The following STOX2 variants were observed in gnomAD, a reference collection of about 807,000 sequenced individuals.
The protein encoded by STOX2 is storkhead-box protein 2.
A neutral mutation model predicts 60.9 loss-of-function variants in STOX2; 28 were observed. The observed-to-expected ratio is 0.46, with a 90% CI of 0.34 to 0.63. The LOEUF (loss-of-function observed/expected upper bound fraction) is 0.63. STOX2 is among the 30% of genes least tolerant of loss of function. STOX2 has a pLI of 0.01. For synonymous variants in STOX2, 472 were observed against 463.9 expected (o/e 1.02, Z -0.22); for missense variants, 1,024 against 1,187.7 (o/e 0.86, Z 2.03).
intron 1 of STOX2, among the ~76,000 whole-genome samples, chr4:183,957,784 G>C (rs1287249810): frequency 6.6e-6 from 1 of 152,142 alleles, no homozygotes; most frequent in Non-Finnish European, 1.5e-5. Context: ...CTAAGGCACC[G>C]TGGTTTCCTT....
intron 1 of STOX2, among the ~76,000 whole-genome samples, chr4:183,948,761 A>C (rs890671052): frequency 6.6e-6 from 1 of 151,644 alleles, no homozygotes; most frequent in Non-Finnish European, 1.5e-5. Flanking sequence ...CAAACTCGTG[A>C]CCTCAGGTGA....
At chr4:183,975,294 GCAAAA>G (rs949445621) in intron 1 of STOX2, among the ~76,000 whole-genome samples, 1 of 151,876 alleles carries the variant, frequency 6.6e-6, no homozygotes, top group Non-Finnish European at 1.5e-5. Flanking sequence ...AAAAAGAAGA[GCAAAA>G]CAAGTCTAAA....
chr4:183,926,918 G>A (rs72695382), intron 1 of STOX2, among the ~76,000 whole-genome samples: 12,048 of 152,206 alleles, frequency 0.079, 580 homozygotes, highest in Middle Eastern at 0.14. Context: ...CACCGGGCCC[G>A]ACCACAAATA....
chr4:183,960,540 AGTCAACAT>A (rs1743382951), intron 1 of STOX2, among the ~76,000 whole-genome samples: 1 of 152,238 alleles, frequency 6.6e-6, no homozygotes, highest in Non-Finnish European at 1.5e-5. Context: ...TTCTGCTCAG[AGTCAACAT>A]TTCATTTGAT....
At chr4:183,932,111 T>G (rs1034878909) in intron 1 of STOX2, among the ~76,000 whole-genome samples, 2 of 151,918 alleles carry the variant, frequency 1.3e-5, no homozygotes, top group African/African-American at 4.8e-5. Flanking sequence ...ACTGTGAGGA[T>G]GTAGCCGATG....
intron 1 of STOX2, among the ~76,000 whole-genome samples, chr4:183,882,968 G>T (rs1579370662): frequency 6.6e-6 from 1 of 152,230 alleles, no homozygotes; most frequent in South Asian, 2.1e-4. Context: ...AAATGTTATT[G>T]TTGGAGATTT....
At chr4:183,951,979 T>C (rs1415186718) in intron 1 of STOX2, among the ~76,000 whole-genome samples, 1 of 152,072 alleles carries the variant, frequency 6.6e-6, no homozygotes, top group African/African-American at 2.4e-5. Context: ...AGCGACTCTC[T>C]TCACTCTCCG....
upstream of STOX2, among the ~76,000 whole-genome samples, chr4:183,901,531 A>G (rs1741458844): frequency 6.6e-6 from 1 of 151,226 alleles, no homozygotes; most frequent in Non-Finnish European, 1.5e-5. Context: ...TTGCCTACCA[A>G]CAGTGCACAA....
At chr4:183,820,383 C>T (rs897391901) in intron 1 of STOX2, among the ~76,000 whole-genome samples, 1 of 152,120 alleles carries the variant, frequency 6.6e-6, no homozygotes, top group African/African-American at 2.4e-5. Flanking sequence ...CTCCTATTGC[C>T]GCTTCTCTCA....
At chr4:183,943,496 T>C (rs73002631) in intron 1 of STOX2, among the ~76,000 whole-genome samples, 1,905 of 152,336 alleles carry the variant, frequency 0.013, 31 homozygotes, top group African/African-American at 0.043. Context: ...TTCTGCTAAC[T>C]GTTGAATGTA....
chr4:183,830,139 T>A (rs1286032469), intron 1 of STOX2, among the ~76,000 whole-genome samples: 2 of 152,184 alleles, frequency 1.3e-5, no homozygotes, highest in Non-Finnish European at 2.9e-5. Flanking sequence ...CTATTTCCAG[T>A]GTCTGAGCAG....
intron 1 of STOX2, among the ~76,000 whole-genome samples, chr4:183,808,375 C>A (rs1251587787): frequency 6.6e-6 from 1 of 152,160 alleles, no homozygotes; most frequent in South Asian, 2.1e-4. Flanking sequence ...GCTGGGAAAG[C>A]CTTGGAAGGC....
At chr4:183,878,021 A>G (rs910777684) in intron 1 of STOX2, among the ~76,000 whole-genome samples, 1 of 152,132 alleles carries the variant, frequency 6.6e-6, no homozygotes, top group Non-Finnish European at 1.5e-5. Flanking sequence ...TTATCCTATT[A>G]AGCCCTGACA....
In STOX2 at chr4:184,011,038, A is replaced by T. The variant is rs1560943784; in HGVS notation, c.2200A>T (p.Thr734Ser). ...ATCTCACCCGAAGACACCTGCTGAC[A>T]CATTGCCAGGCCGATGTGAGAAACT... is the stretch of plus-strand genomic sequence containing the variant. Reference protein sequence around the residue: ...LKSHPKTPADTLPGRCEKLEP... With the variant: ...LKSHPKTPADSLPGRCEKLEP... Residue 734 changes from threonine to serine, a missense_variant, in exon 3 of 4, where the codon ACA becomes TCA. Coordinates refer to ENST00000308497, the MANE Select transcript of STOX2 (RefSeq NM_020225.3). The surrounding 1 kb of genome is among the most constrained non-coding windows in gnomAD (Gnocchi z 4.4). 1 of 1,612,784 alleles carries T rather than the reference A, an allele frequency of 6.2e-7. No individual in the cohort carries two copies.
rs758703081 is a variant in STOX2 at position 183,913,053 on chromosome 4, C to T, written c.166+6097C>T. Among the ~76,000 whole-genome samples the T allele has an allele frequency of 4.1e-4, 62 of 152,110 alleles. 1 individual carries two copies. The highest frequency in any genetic ancestry group is 1.6e-4 in the Non-Finnish European group (11 of 68,004). On this transcript the variant is annotated intron_variant, in intron 1 of 3. Transcript: ENST00000308497. ...GTTGCTGCAAGTGAAACTGGAGTTC[C>T]GAGAACAGAAGGACGTTGCTTAGAA...
chr4:184,009,900 C>T lies in STOX2; in HGVS notation c.1062C>T (p.Ser354=), dbSNP rs370894532. 5.5e-5 allele frequency: 89 copies of T among 1,612,050 alleles called. No homozygotes were observed. The African/African-American group carries it at 5.9e-4, about 11-fold the overall frequency. ...AAGCCGGGTCCTCTGCCCATCACAG[C>T]GGAAGGAGTAAAAAGAGTAGGACTC... is the stretch of plus-strand genomic sequence containing the variant. ...RSKAGSSAHH[S]GRSKKSRTHR... The change falls in exon 3 of 4, where the codon AGC becomes AGT. Residue 354 remains serine (S), a synonymous_variant. Coordinates refer to ENST00000308497, the MANE Select transcript of STOX2 (RefSeq NM_020225.3). The surrounding 1 kb of genome is among the most constrained non-coding windows in gnomAD (Gnocchi z 4.0).
chr4:183,977,703 C>G (rs968019032), intron 1 of STOX2, among the ~76,000 whole-genome samples: 1 of 152,116 alleles, frequency 6.6e-6, no homozygotes, highest in South Asian at 2.1e-4. Flanking sequence ...TGGGTAGACA[C>G]CCAGTAGTGG....
chr4:183,987,101 C>A (rs1380840078), intron 1 of STOX2, among the ~76,000 whole-genome samples: 1 of 152,136 alleles, frequency 6.6e-6, no homozygotes. Flanking sequence ...GCGGAGGCAG[C>A]GAGCGGTGCC....
rs1249634017 is a variant in STOX2, at chr4:183,856,763, CTT to C, written c.364+58713_364+58714del. ...GTGAAAGTGCTACTTTAAAAATAGT[CTT>C]TTTTCAGTAGTGTCTGTTTAATAGT... On this transcript the variant is annotated intron_variant, in intron 1 of 2. Transcript: ENST00000513034. This position sits in a 1 kb window ranked among gnomAD's most constrained non-coding sequence, Gnocchi z 4.0. 6.6e-6 allele frequency among the ~76,000 whole-genome samples: 1 copy of C among 152,136 alleles called. No individual in the cohort carries two copies. The highest frequency in any genetic ancestry group is 1.5e-5 in the Non-Finnish European group (1 of 68,018).
Sources: gnomAD v4.1 joint callset for allele counts (sites outside exome capture counted in the v4.1 genomes callset) on GRCh38, gnomAD v4.1.1 for gene constraint, Gnocchi (gnomAD v3.1) non-coding constraint, MANE v1.5 for transcripts, NCBI Gene and HGNC (gene_info 2026-07-23, HGNC 2026-07-21) for gene names.